Variants in DMD observed in about 807,000 individuals in gnomAD.
DMD encodes the protein dystrophin, also known as mutant dystrophin.
Under a neutral mutation model 330.1 loss-of-function variants are expected in DMD, and 63 were observed. The observed-to-expected ratio is 0.19, with a 90% CI of 0.16 to 0.24. DMD has a LOEUF of 0.24. Among genes scored for constraint, DMD ranks in the 10% least tolerant of loss-of-function variants. The probability of loss-of-function intolerance (pLI) is 1.00; values close to 1 mark genes in which losing one functional copy is unlikely to be tolerated. For synonymous variants in DMD, 1,223 were observed against 959.8 expected, an observed-to-expected ratio of 1.27 and a Z score of -5.07; for missense variants, 3,344 against 2,684.1, an observed-to-expected ratio of 1.25 and a Z score of -5.43.
intron 30 of DMD, among the ~76,000 whole-genome samples, chrX:32,401,397 G>T (rs778335681): frequency 8.9e-6 from 1 of 111,908 alleles, no homozygotes; most frequent in African/African-American, 3.2e-5. Context: ...AAAGAATGAC[G>T]TCCTGTCATT....
chrX:31,675,542 T>C (rs767215915), intron 53 of DMD, among the ~76,000 whole-genome samples: 1 of 110,757 alleles, frequency 9.0e-6, no homozygotes, highest in South Asian at 3.9e-4. Context: ...TTTGTATTTT[T>C]AGTAGAGACA....
At chrX:33,078,600 A>T (rs2094879478) in intron 1 of DMD, among the ~76,000 whole-genome samples, 1 of 112,041 alleles carries the variant, frequency 8.9e-6, no homozygotes, top group Non-Finnish European at 1.9e-5. Context: ...CCACATTTAG[A>T]TGTTTTTTCC....
intron 45 of DMD, among the ~76,000 whole-genome samples, chrX:31,951,143 G>GTATATATACA (rs2095164850): frequency 1.3e-5 from 1 of 74,338 alleles, no homozygotes; most frequent in African/African-American, 6.2e-5. Flanking sequence ...ATATATATGT[G>GTATATATACA]TATATATATA....
chrX:32,704,151 A>G (rs2064384540), intron 7 of DMD, among the ~76,000 whole-genome samples: 1 of 111,870 alleles, frequency 8.9e-6, no homozygotes, highest in South Asian at 3.7e-4. Context: ...TCGAATAAAG[A>G]AGTTGAACCT....
At chrX:31,221,624 A>C (rs772022865) in intron 64 of DMD, among the ~76,000 whole-genome samples, 1 of 113,202 alleles carries the variant, frequency 8.8e-6, no homozygotes, top group African/African-American at 3.2e-5. Context: ...GGTCTTGGAA[A>C]TAGAGACAAG....
At chrX:32,936,113 CTT>C (rs71706010) in intron 2 of DMD, among the ~76,000 whole-genome samples, 9 of 102,470 alleles carry the variant, frequency 8.8e-5, no homozygotes, top group African/African-American at 1.4e-4. Flanking sequence ...ACTTGTATCT[CTT>C]TTTTTTTTTT....
intron 44 of DMD, among the ~76,000 whole-genome samples, chrX:31,996,969 G>T (rs11795840): frequency 0.022 from 2,483 of 111,317 alleles, 83 homozygotes; most frequent in African/African-American, 0.076. Context: ...CATTTATAAC[G>T]TGTAAACTGT....
At chrX:32,787,213 A>AGTGTGTGTGTGTGTGTGT (rs72078806) in intron 7 of DMD, among the ~76,000 whole-genome samples, 7 of 83,379 alleles carry the variant, frequency 8.4e-5, no homozygotes, top group African/African-American at 3.2e-4. Flanking sequence ...CTCTCTGTCA[A>AGTGTGTGTGTGTGTGTGT]GTGTGTGTGT....
chrX:31,421,938 C>T (rs867955930), intron 60 of DMD, among the ~76,000 whole-genome samples: 11 of 65,059 alleles, frequency 1.7e-4, no homozygotes, highest in African/African-American at 6.7e-4. Flanking sequence ...TATATACACA[C>T]ACACATATAT....
At chrX:31,504,713 C>T (rs1297351655) in intron 56 of DMD, among the ~76,000 whole-genome samples, 4 of 111,788 alleles carry the variant, frequency 3.6e-5, no homozygotes. Context: ...TGAACCCTGC[C>T]ATTTGCTGTA....
rs763309642 is a variant in DMD, at chrX:32,671,114, T to A, written c.961-25962A>T. Reference sequence around the variant, plus strand: ...AGTGGGTCGGTACAAATTGTTAATATCTCAATGTCAATACTACTCATGAGT... The same window carrying A: ...AGTGGGTCGGTACAAATTGTTAATAACTCAATGTCAATACTACTCATGAGT... On this transcript the variant is annotated intron_variant, in intron 9 of 78. Transcript: ENST00000357033. 1.2e-4 allele frequency among the ~76,000 whole-genome samples: 13 copies of A among 110,981 alleles called. No individual in the cohort carries two copies. The South Asian group carries it at 5.0e-3, about 42-fold the overall frequency.
At chrX:31,473,068 G>A (rs1449860680) in intron 59 of DMD, among the ~76,000 whole-genome samples, 1 of 111,404 alleles carries the variant, frequency 9.0e-6, no homozygotes, top group Non-Finnish European at 1.9e-5. Flanking sequence ...AGAAACTATG[G>A]TTTATAGTCT....
intron 44 of DMD, among the ~76,000 whole-genome samples, chrX:32,194,700 A>C (rs2096991015): frequency 8.9e-6 from 1 of 111,918 alleles, no homozygotes; most frequent in Admixed American, 9.5e-5. Context: ...AGAACAGAGA[A>C]ACACGTGCAA....
intron 50 of DMD, among the ~76,000 whole-genome samples, chrX:31,815,730 C>G (rs763062480): frequency 9.0e-6 from 1 of 111,612 alleles, no homozygotes; most frequent in Admixed American, 9.5e-5. Flanking sequence ...CCTCCTTTCA[C>G]GAGATGAAGT....
At chrX:33,270,835 G>T (rs2053141427) in intron 1 of DMD, among the ~76,000 whole-genome samples, 1 of 111,405 alleles carries the variant, frequency 9.0e-6, no homozygotes, top group Non-Finnish European at 1.9e-5. Context: ...TAAGATCACT[G>T]CTTTTTTATG....
At chrX:32,715,558 GC>G (rs1440482535) in intron 7 of DMD, among the ~76,000 whole-genome samples, 1 of 107,982 alleles carries the variant, frequency 9.3e-6, no homozygotes, top group East Asian at 2.9e-4. Flanking sequence ...ACTTAGGGAG[GC>G]CATGGCAGGC....
intron 13 of DMD, among the ~76,000 whole-genome samples, chrX:32,576,141 T>C (rs1601827178): frequency 9.0e-6 from 1 of 111,510 alleles, no homozygotes; most frequent in South Asian, 3.7e-4. Flanking sequence ...ACTAATAGAG[T>C]AGTTCTCCTT....
intron 2 of DMD, among the ~76,000 whole-genome samples, chrX:32,909,764 G>A (rs753933357): frequency 1.8e-5 from 2 of 112,170 alleles, no homozygotes; most frequent in Non-Finnish European, 1.9e-5. Context: ...ATCATTAATT[G>A]TGCAAAAGTA....
intron 7 of DMD, among the ~76,000 whole-genome samples, chrX:32,714,845 T>A (rs190358017): frequency 8.9e-6 from 1 of 112,029 alleles, no homozygotes; most frequent in Non-Finnish European, 1.9e-5. Context: ...TGTTTTAAGG[T>A]ATACACATGA....
Sources: gnomAD v4.1 joint callset for allele counts (sites outside exome capture counted in the v4.1 genomes callset) on GRCh38, gnomAD v4.1.1 for gene constraint, MANE v1.5 for transcripts, NCBI Gene and HGNC (gene_info 2026-07-23, HGNC 2026-07-21) for gene names.